Variants in H3C4 observed in about 807,000 individuals in gnomAD.
H3C4 encodes H3 clustered histone 4.
H3C4 carries 10 observed loss-of-function variants against 8.7 expected under a neutral mutation model. That is an observed-to-expected ratio of 1.15 (90% CI 0.71 to 1.96). H3C4 has a LOEUF of 1.96. Among genes scored for constraint, H3C4 ranks in the 30% most tolerant of loss-of-function variants. The pLI, the probability that H3C4 is intolerant of heterozygous loss-of-function variation, is 0.00. For synonymous variants in H3C4, 141 were observed against 80.1 expected, an observed-to-expected ratio of 1.76 and a Z score of -4.06; for missense variants, 216 against 192.9, an observed-to-expected ratio of 1.12 and a Z score of -0.71.
chr6:26,199,119 T>C, upstream of H3C4: 5 of 1,614,180 alleles, frequency 3.1e-6, no homozygotes, highest in African/African-American at 1.3e-5. Context: ...CCCGACTCGC[T>C]CGGAGTAGTT....
At chr6:26,197,399 TCTC>T (rs565159583), upstream of H3C4, 36 of 709,432 alleles carry the variant, frequency 5.1e-5, no homozygotes, top group South Asian at 6.5e-4. Flanking sequence ...TGACAGAACA[TCTC>T]CTGCATGTAG....
upstream of H3C4, chr6:26,199,081 C>G (rs768233497): frequency 6.2e-7 from 1 of 1,614,178 alleles, no homozygotes; most frequent in African/African-American, 1.3e-5. Context: ...TACTCCAACA[C>G]CGCCGCCAGA....
chr6:26,199,168 A>T (rs1284432882), upstream of H3C4: 1 of 1,614,084 alleles, frequency 6.2e-7, no homozygotes, highest in East Asian at 2.2e-5. Flanking sequence ...CCCACAGGGA[A>T]CTGGAGTCCG....
chr6:26,197,805 TCAC>T (rs764756083), upstream of H3C4, among the ~76,000 whole-genome samples: 35 of 135,732 alleles, frequency 2.6e-4, no homozygotes, highest in Non-Finnish European at 2.9e-4. Flanking sequence ...ACATTTAATT[TCAC>T]CACAATATGT....
chr6:26,198,263 AGCCGCTGCATT>A (rs139845469), upstream of H3C4, among the ~76,000 whole-genome samples: 10,721 of 152,210 alleles, frequency 0.07, 1,021 homozygotes, highest in African/African-American at 0.22. Context: ...AATCCTAACG[AGCCGCTGCATT>A]GATCGATTTA....
chr6:26,198,043 C>T (rs1765022486), upstream of H3C4, among the ~76,000 whole-genome samples: 1 of 152,092 alleles, frequency 6.6e-6, no homozygotes, highest in African/African-American at 2.4e-5. Context: ...AGGGTTAGCT[C>T]AGTAGAGTTG....
At chr6:26,198,871 G>A (rs1581450467), upstream of H3C4, 5 of 1,614,062 alleles carry the variant, frequency 3.1e-6, no homozygotes, top group Non-Finnish European at 4.2e-6. Flanking sequence ...TTGGCCTTGT[G>A]GTGACTCTCA....
chr6:26,198,778 A>C, upstream of H3C4: 1 of 1,452,218 alleles, frequency 6.9e-7, no homozygotes, highest in Non-Finnish European at 9.4e-7. Flanking sequence ...CCTTTTAAGG[A>C]ATACATGGGT....
chr6:26,198,777 G>C (rs1765048092), upstream of H3C4: 1 of 1,445,330 alleles, frequency 6.9e-7, no homozygotes, highest in Non-Finnish European at 9.5e-7. Flanking sequence ...CCCTTTTAAG[G>C]AATACATGGG....
rs1249330554 is a variant in H3C4, at chr6:26,197,246, G to T, written c.5C>A (p.Ala2Asp). 1 of 1,610,430 alleles carries T rather than the reference G, an allele frequency of 6.2e-7. No homozygotes were observed. Among genetic ancestry groups the T allele is most frequent in the Non-Finnish European group, 8.5e-7 (1 of 1,179,124 alleles). Residue 2 changes from alanine to aspartate, a missense_variant, in exon 1 of 1, where the codon GCT (alanine) becomes GAT (aspartate). Transcript: ENST00000356476. M[A>D]RTKQTARKST... ...CTTGCGAGCAGTCTGCTTGGTACGA[G>T]CCATTGCGAACTTCTAAACCCTGCT... is the stretch of plus-strand genomic sequence containing the variant.
chr6:26,198,916 G>A, upstream of H3C4: 1 of 1,614,236 alleles, frequency 6.2e-7, no homozygotes, highest in Non-Finnish European at 8.5e-7. Context: ...TGGATGTTGG[G>A]CAGAACACCG....
upstream of H3C4, among the ~76,000 whole-genome samples, chr6:26,198,658 C>G (rs774413476): frequency 6.6e-6 from 1 of 152,156 alleles, no homozygotes; most frequent in Admixed American, 6.5e-5. Flanking sequence ...TTTATGGCAT[C>G]TTTAAAATGG....
At chr6:26,197,403 CT>C, upstream of H3C4, 1 of 690,234 alleles carries the variant, frequency 1.4e-6, no homozygotes, top group Non-Finnish European at 2.4e-6. Context: ...AGAACATCTC[CT>C]GCATGTAGAC....
At chr6:26,197,348 G>C, upstream of H3C4, 1 of 1,314,312 alleles carries the variant, frequency 7.6e-7, no homozygotes, top group African/African-American at 1.5e-5. Flanking sequence ...GGACAAGGCA[G>C]CCTTTCCCCT....
At chr6:26,199,053 AG>A (rs1765060219), upstream of H3C4, 1 of 1,613,976 alleles carries the variant, frequency 6.2e-7, no homozygotes. Flanking sequence ...CGCCAGCTCC[AG>A]GATCTCGGCG....
upstream of H3C4, chr6:26,199,291 A>G (rs1330275451): frequency 1.3e-6 from 2 of 1,564,994 alleles, no homozygotes; most frequent in Admixed American, 4.4e-5. Flanking sequence ...AAAATGTAAA[A>G]GTGAATTTTG....
At chr6:26,198,725 TAAAG>T (rs575644929), upstream of H3C4, 9 of 905,422 alleles carry the variant, frequency 9.9e-6, no homozygotes, top group South Asian at 1.4e-4. Context: ...GAAAAATTAT[TAAAG>T]AAAACTGCAA....
In H3C4 at chr6:26,197,057, T is replaced by A. The variant is rs1459373675; in HGVS notation, c.194A>T (p.Lys65Ile). 1 of 1,614,208 alleles carries A rather than the reference T, an allele frequency of 6.2e-7. No homozygotes were observed. The highest frequency in any genetic ancestry group is 2.2e-5 in the East Asian group (1 of 44,876). ...YQKSTELLIR[K>I]LPFQRLVREI... Reference sequence around the variant, plus strand: ...ACGGACTAGACGCTGGAATGGCAGTTTGCGAATCAGCAGCTCGGTCGACTT... The same window carrying A: ...ACGGACTAGACGCTGGAATGGCAGTATGCGAATCAGCAGCTCGGTCGACTT... The change falls in exon 1 of 1, where the codon AAA (lysine) becomes ATA (isoleucine). Residue 65 changes from lysine (K) to isoleucine (I), a missense_variant. Coordinates refer to ENST00000356476, the MANE Select transcript of H3C4 (RefSeq NM_001376937.1).
upstream of H3C4, chr6:26,199,107 G>C (rs754630329): frequency 3.1e-6 from 5 of 1,614,058 alleles, no homozygotes; most frequent in African/African-American, 4.0e-5. Flanking sequence ...TGGCGCGCCG[G>C]CCCCGACTCG....
Sources: allele counts gnomAD v4.1 joint callset (sites outside exome capture counted in the v4.1 genomes callset), GRCh38; gene constraint gnomAD v4.1.1; transcripts MANE v1.5; gene names NCBI Gene and HGNC (gene_info 2026-07-23, HGNC 2026-07-21).